Variants in VCL observed in about 807,000 individuals in gnomAD.
The protein encoded by VCL is epididymis luminal protein 114.
In VCL, 47 loss-of-function variants were observed where a neutral mutation model predicts 125.7. The ratio of observed to expected loss-of-function variants is 0.37; its 90% confidence interval spans 0.30 to 0.48. The LOEUF (loss-of-function observed/expected upper bound fraction) is 0.48, where lower values mean the gene tolerates loss of function less well. VCL is among the 20% of genes least tolerant of loss of function. VCL has a pLI of 0.99. For missense variants in VCL, 1,069 were observed against 1,455.5 expected, an observed-to-expected ratio of 0.73 and a Z score of 4.32; for synonymous variants, 458 against 514.6, an observed-to-expected ratio of 0.89 and a Z score of 1.49.
Position 74,101,115 on chromosome 10 carries a change from C to G in VCL, c.2022+18C>G. The stretch of plus-strand genomic sequence containing the variant: ...CACCCCAGGTTGGGTTTTGCTCATT[C>G]CTCATACAGTGTTCAGTAAAGAAAG... On this transcript the variant is annotated intron_variant, in intron 14 of 21. Transcript: ENST00000211998. 1 of 1,611,232 alleles carries G rather than the reference C, an allele frequency of 6.2e-7. No individual in the cohort carries two copies. The highest frequency in any genetic ancestry group is 8.5e-7 in the Non-Finnish European group (1 of 1,178,512).
chr10:74,020,642 A>G (rs1008280650), intron 1 of VCL, among the ~76,000 whole-genome samples: 5 of 152,072 alleles, frequency 3.3e-5, no homozygotes, highest in African/African-American at 1.2e-4. Context: ...GGAGTTTGAG[A>G]GCAGCCTGGG....
At chr10:74,114,927 G>A in intron 21 of VCL, 28 bp downstream of exon 21, 1 of 1,560,530 alleles carries the variant, frequency 6.4e-7, no homozygotes, top group Non-Finnish European at 8.7e-7. Context: ...TTGGTTTCTG[G>A]CTGGCAGCTT....
chr10:74,032,229 C>A (rs555181006), intron 1 of VCL, among the ~76,000 whole-genome samples: 2 of 126,250 alleles, frequency 1.6e-5, no homozygotes, highest in Admixed American at 9.0e-5. Context: ...AACAGAGACT[C>A]TGTTTCAGAA....
Position 74,045,252 on chromosome 10 carries a change from GAGAC to G in VCL, c.239+2103_239+2106del, listed in dbSNP as rs909503408. Among the ~76,000 whole-genome samples the G allele has an allele frequency of 2.0e-5, 3 of 146,970 alleles. No individual in the cohort carries two copies. In the Admixed American group the frequency reaches 2.1e-4, roughly 10 times the overall value. On this transcript the variant is annotated intron_variant, in intron 2 of 21. Transcript: ENST00000211998. ...ATAATTGAGGGAAATGAAAAACAGAGAGACAGAGAGACGGATAGATAGATAGATA... is the reference window on the plus strand; with the variant it reads ...ATAATTGAGGGAAATGAAAAACAGAGAGAGAGACGGATAGATAGATAGATA...
intron 6 of VCL, chr10:74,076,634 G>C (rs1210907277): frequency 6.6e-6 from 1 of 152,652 alleles, no homozygotes. Flanking sequence ...AGAGAGCTTA[G>C]ATGAGGCACC....
At chr10:74,030,338 A>C (rs988441755) in intron 1 of VCL, among the ~76,000 whole-genome samples, 3 of 152,216 alleles carry the variant, frequency 2.0e-5, no homozygotes, top group Admixed American at 2.0e-4. Flanking sequence ...GAAATTTCTC[A>C]TGTTAAAAAA....
rs1840349423 is a variant in VCL at position 74,118,697 on chromosome 10, G to C, written c.*528G>C. On this transcript the variant is annotated 3_prime_UTR_variant, in exon 22 of 22. Transcript: ENST00000211998. ...GGCTGTGCTACCTGGGTCCTTTTCA[G>C]AAGTGAGCTTTGCTGCTACAGGGGA... 5.5e-6 allele frequency: 1 copy of C among 180,892 alleles called. No individual in the cohort carries two copies. The highest frequency in any genetic ancestry group is 5.4e-5 in the Admixed American group (1 of 18,626). The allele number at this position is 180,892 out of a possible 1,614,324, so 11.2% of individuals were successfully genotyped here. A position where few individuals can be genotyped will look rare whatever the true frequency, so the allele number is the denominator to read the frequency against.
chr10:74,072,899 A>G, intron 5 of VCL, 47 bp downstream of exon 5: 1 of 1,610,916 alleles, frequency 6.2e-7, no homozygotes, highest in Non-Finnish European at 8.5e-7. Flanking sequence ...AAATGTTAGC[A>G]TGTTCTAAAC....
Position 74,097,139 on chromosome 10 carries a change from G to C in VCL, c.1744-65G>C, listed in dbSNP as rs979949423. 7 of 1,593,526 alleles carry C rather than the reference G, an allele frequency of 4.4e-6. No individual in the cohort carries two copies. Among genetic ancestry groups the C allele is most frequent in the Non-Finnish European group, 6.0e-6 (7 of 1,168,798 alleles). ...AGATGAATGAATGTCAGTGAAGTAA[G>C]GGCATTAGTAGATATGCTTTGAGGA... is the stretch of plus-strand genomic sequence containing the variant. On this transcript the variant is annotated intron_variant, in intron 12 of 21. Coordinates refer to ENST00000211998, the MANE Select transcript of VCL (RefSeq NM_014000.3). The surrounding 1 kb of genome is among the most constrained non-coding windows in gnomAD (Gnocchi z 4.1).
At chr10:74,064,701 C>T (rs1447188617) in intron 2 of VCL, among the ~76,000 whole-genome samples, 1 of 152,152 alleles carries the variant, frequency 6.6e-6, no homozygotes. Flanking sequence ...AGCCACTGTG[C>T]CTGTCCACAA....
chr10:74,090,349 T>A, intron 10 of VCL, 151 bp downstream of exon 10: 1 of 852,214 alleles, frequency 1.2e-6, no homozygotes, highest in Non-Finnish European at 1.8e-6. Context: ...CACTATATTC[T>A]CATTAATTCT....
Position 74,073,088 on chromosome 10 carries a change from G to A in VCL, c.622+236G>A, listed in dbSNP as rs774505253. On this transcript the variant is annotated intron_variant, in intron 5 of 21. Coordinates refer to ENST00000211998, the MANE Select transcript of VCL (RefSeq NM_014000.3). Reference sequence around the variant, plus strand: ...TCTGAGTAGCAGGCACTACAGGTGCGCACTGCCATGCCCAGCTAATTTTTG... The same window carrying A: ...TCTGAGTAGCAGGCACTACAGGTGCACACTGCCATGCCCAGCTAATTTTTG... Among the ~76,000 whole-genome samples, 5 of 151,974 alleles carry A rather than the reference G, an allele frequency of 3.3e-5. 1 individual carries two copies. The East Asian group carries it at 7.7e-4, about 24-fold the overall frequency.
chr10:74,009,946 A>G (rs550905871), intron 1 of VCL, among the ~76,000 whole-genome samples: 1 of 151,382 alleles, frequency 6.6e-6, no homozygotes, highest in South Asian at 2.1e-4. Flanking sequence ...CTTTTTTGAG[A>G]TGGAGTCTTG....
chr10:74,051,449 C>G (rs144970740), intron 2 of VCL, among the ~76,000 whole-genome samples: 1 of 152,286 alleles, frequency 6.6e-6, no homozygotes, highest in Non-Finnish European at 1.5e-5. Flanking sequence ...GTTGGCCAGC[C>G]TGGTCTTGAG....
chr10:74,045,640 A>G (rs1016016624), intron 2 of VCL, among the ~76,000 whole-genome samples: 6 of 150,902 alleles, frequency 4.0e-5, no homozygotes, highest in Non-Finnish European at 5.9e-5. Context: ...AAAAAAAAAA[A>G]GTTCAAAAAC....
Position 74,118,346 on chromosome 10 carries a change from C to A in VCL, c.*177C>A. ...GACATTTATACTCTTTTTTCATGGACACTTTGAAATGTGTTTCTGTATAAA... is the reference window on the plus strand; with the variant it reads ...GACATTTATACTCTTTTTTCATGGAAACTTTGAAATGTGTTTCTGTATAAA... On this transcript the variant is annotated 3_prime_UTR_variant, in exon 22 of 22. Transcript: ENST00000211998. 1 of 764,758 alleles carries A rather than the reference C, an allele frequency of 1.3e-6. No homozygotes were observed. Among genetic ancestry groups the A allele is most frequent in the South Asian group, 1.5e-5 (1 of 64,624 alleles). 47.4% of individuals were successfully genotyped at this position (764,758 alleles called of 1,614,324 possible). A position where few individuals can be genotyped will look rare whatever the true frequency, so the allele number is the denominator to read the frequency against.
intron 1 of VCL, among the ~76,000 whole-genome samples, chr10:74,024,523 A>T (rs1243699399): frequency 6.6e-6 from 1 of 151,834 alleles, no homozygotes; most frequent in Non-Finnish European, 1.5e-5. Flanking sequence ...AGGCAGGAGA[A>T]TTGCTTGAAC....
chr10:74,075,403 TA>T (rs1319964808), intron 6 of VCL: 1 of 156,692 alleles, frequency 6.4e-6, no homozygotes, highest in Non-Finnish European at 1.4e-5. Flanking sequence ...AAGGTTTAAT[TA>T]AAATATTAGT....
In VCL at chr10:74,090,158, A is replaced by T. The variant is rs150016624; in HGVS notation, c.1312A>T (p.Ile438Leu). 3.1e-6 allele frequency: 5 copies of T among 1,614,234 alleles called. No homozygotes were observed. Among genetic ancestry groups the T allele is most frequent in the Middle Eastern group, 3.3e-4 (2 of 6,060 alleles). The change falls in exon 10 of 22, where the codon ATA (isoleucine) becomes TTA (leucine). Residue 438 changes from isoleucine to leucine, a missense_variant. Ile to Leu is a conservative substitution (Grantham distance 5). Transcript: ENST00000211998. ...TGACATTCTACGTTCCCTTGGGGAA[A>T]TATCTGCTCTGACTTCTAAATTAGC... ...RDDILRSLGEISALTSKLADL... is the reference protein window; with the variant it reads ...RDDILRSLGELSALTSKLADL...
Sources: allele counts gnomAD v4.1 joint callset (sites outside exome capture counted in the v4.1 genomes callset), GRCh38; gene constraint gnomAD v4.1.1; non-coding constraint Gnocchi (gnomAD v3.1); transcripts MANE v1.5; gene names NCBI Gene and HGNC (gene_info 2026-07-23, HGNC 2026-07-21).